Variants in RBFOX1 observed in about 807,000 individuals in gnomAD.
RBFOX1 encodes the protein RNA binding fox-1 homolog 1.
Under a neutral mutation model 57.7 loss-of-function variants are expected in RBFOX1, and 8 were observed. That is an observed-to-expected ratio of 0.14 (90% CI 0.08 to 0.25). RBFOX1 has a LOEUF of 0.25. RBFOX1 is among the 10% of genes least tolerant of loss of function. RBFOX1 has a pLI of 1.00. For synonymous variants in RBFOX1, 326 were observed against 222.4 expected (o/e 1.47, Z -4.15); for missense variants, 611 against 548.5 (o/e 1.11, Z -1.14).
At chr16:5,446,979 A>T (rs1001016563) in intron 1 of RBFOX1, among the ~76,000 whole-genome samples, 25 of 152,148 alleles carry the variant, frequency 1.6e-4, no homozygotes, top group African/African-American at 6.0e-4. Flanking sequence ...TGAGGAGTCA[A>T]TGGGATAAGT....
intron 5 of RBFOX1, among the ~76,000 whole-genome samples, chr16:7,544,868 C>T (rs578242084): frequency 2.6e-5 from 4 of 152,184 alleles, no homozygotes; most frequent in African/African-American, 9.6e-5. Flanking sequence ...CTTACCAATT[C>T]TGGACATACT....
intron 1 of RBFOX1, among the ~76,000 whole-genome samples, chr16:6,222,357 C>G (rs769714687): frequency 1.6e-4 from 24 of 152,154 alleles, no homozygotes; most frequent in Non-Finnish European, 2.6e-4. Flanking sequence ...AAGCTTGAAA[C>G]TTTCTGGAGA....
At chr16:5,507,608 G>A (rs1011272277) in intron 2 of RBFOX1, among the ~76,000 whole-genome samples, 1 of 152,190 alleles carries the variant, frequency 6.6e-6, no homozygotes, top group Admixed American at 6.5e-5. Context: ...CTGTGAATGT[G>A]ACCTTATTTG....
At chr16:6,521,867 C>T (rs1446007027) in intron 2 of RBFOX1, among the ~76,000 whole-genome samples, 1 of 152,044 alleles carries the variant, frequency 6.6e-6, no homozygotes, top group Non-Finnish European at 1.5e-5. Context: ...GAAATGAAGT[C>T]CTTATCACTG....
In RBFOX1 at chr16:6,072,359, C is replaced by T. The variant is rs1233899428; in HGVS notation, c.-127+52367C>T. 2.0e-5 allele frequency among the ~76,000 whole-genome samples: 3 copies of T among 152,112 alleles called. No homozygotes were observed. The East Asian group carries it at 5.8e-4, about 29-fold the overall frequency. ...ATATCACTGTTCATCTGTCATTGGACACTTAGGTGGCTTCCATATTTTGGC... is the reference window on the plus strand; with the variant it reads ...ATATCACTGTTCATCTGTCATTGGATACTTAGGTGGCTTCCATATTTTGGC... On this transcript the variant is annotated intron_variant, in intron 1 of 15. Transcript: ENST00000550418.
At chr16:7,405,479 C>T (rs969375274) in intron 4 of RBFOX1, among the ~76,000 whole-genome samples, 1 of 152,200 alleles carries the variant, frequency 6.6e-6, no homozygotes, top group African/African-American at 2.4e-5. Flanking sequence ...AACACTCGGG[C>T]TGTTCTGAAG....
intron 4 of RBFOX1, among the ~76,000 whole-genome samples, chr16:7,379,298 G>C (rs2097744800): frequency 2.0e-5 from 3 of 152,168 alleles, no homozygotes. Context: ...CTGTCCAAAA[G>C]AGTATCTTAT....
chr16:7,006,759 T>A (rs930384938), intron 3 of RBFOX1, among the ~76,000 whole-genome samples: 5 of 152,118 alleles, frequency 3.3e-5, no homozygotes, highest in African/African-American at 1.2e-4. Context: ...TTAATTTGAT[T>A]AAGAAAAAGT....
At chr16:7,029,305 T>C (rs76857664) in intron 3 of RBFOX1, among the ~76,000 whole-genome samples, 4,065 of 119,608 alleles carry the variant, frequency 0.034, 317 homozygotes, top group Middle Eastern at 0.06. Context: ...TATACGTATA[T>C]GTATATATAT....
intron 3 of RBFOX1, among the ~76,000 whole-genome samples, chr16:6,963,482 A>G (rs8064168): frequency 0.6 from 91,300 of 151,974 alleles, 27,671 homozygotes; most frequent in Non-Finnish European, 0.63. Flanking sequence ...CTGGTCAGTA[A>G]TGAGATACAT....
At chr16:5,413,480 C>A (rs1276567795) in intron 1 of RBFOX1, among the ~76,000 whole-genome samples, 3 of 152,168 alleles carry the variant, frequency 2.0e-5, no homozygotes, top group Non-Finnish European at 2.9e-5. Flanking sequence ...TTCTCAGTTA[C>A]AGTAGCCACC....
intron 3 of RBFOX1, among the ~76,000 whole-genome samples, chr16:6,996,010 T>G (rs2092197005): frequency 6.6e-6 from 1 of 152,220 alleles, no homozygotes; most frequent in East Asian, 1.9e-4. Flanking sequence ...AGCATACAAA[T>G]CTAAACTTCT....
chr16:6,686,518 T>C (rs2059458039), intron 3 of RBFOX1, among the ~76,000 whole-genome samples: 1 of 152,196 alleles, frequency 6.6e-6, no homozygotes, highest in Non-Finnish European at 1.5e-5. Flanking sequence ...TTGGTGTTCT[T>C]CCATCCATGA....
At chr16:7,289,002 G>C (rs948877153) in intron 4 of RBFOX1, among the ~76,000 whole-genome samples, 1 of 152,174 alleles carries the variant, frequency 6.6e-6, no homozygotes, top group African/African-American at 2.4e-5. Flanking sequence ...AGTGATATTA[G>C]AGGAAGTATG....
chr16:6,622,663 T>G (rs1227249489), intron 2 of RBFOX1, among the ~76,000 whole-genome samples: 1 of 152,222 alleles, frequency 6.6e-6, no homozygotes, highest in Non-Finnish European at 1.5e-5. Context: ...AAACAATTTT[T>G]AGAAGATAAA....
At chr16:6,881,954 A>G (rs115877256) in intron 3 of RBFOX1, among the ~76,000 whole-genome samples, 2,962 of 152,300 alleles carry the variant, frequency 0.019, 106 homozygotes, top group African/African-American at 0.063. Flanking sequence ...GTGTAAAAAG[A>G]AGGGAACTTG....
intron 3 of RBFOX1, among the ~76,000 whole-genome samples, chr16:6,738,810 C>G (rs1603483200): frequency 6.6e-6 from 1 of 152,220 alleles, no homozygotes; most frequent in Admixed American, 6.5e-5. Flanking sequence ...TAGAATCAAA[C>G]TAGAAATTAA....
chr16:5,512,120 T>G (rs1597358320), intron 2 of RBFOX1, among the ~76,000 whole-genome samples: 1 of 152,032 alleles, frequency 6.6e-6, no homozygotes, highest in East Asian at 1.9e-4. Context: ...GGCAAAGTGG[T>G]TTTTGCTTCT....
intron 4 of RBFOX1, among the ~76,000 whole-genome samples, chr16:7,112,112 G>A (rs181518444): frequency 7.9e-5 from 12 of 152,294 alleles, no homozygotes; most frequent in Middle Eastern, 3.4e-3. Context: ...GATCTTATGC[G>A]TTAGACCAAG....
Sources: allele counts gnomAD v4.1 joint callset (sites outside exome capture counted in the v4.1 genomes callset), GRCh38; gene constraint gnomAD v4.1.1; transcripts MANE v1.5; gene names NCBI Gene and HGNC (gene_info 2026-07-23, HGNC 2026-07-21).